The following LRBA variants were observed in gnomAD, a reference collection of about 807,000 sequenced individuals.
LRBA encodes lipopolysaccharide-responsive and beige-like anchor protein.
In LRBA, 176 loss-of-function variants were observed where a neutral mutation model predicts 330.0. The observed-to-expected ratio is 0.53, with a 90% CI of 0.47 to 0.60. The LOEUF (loss-of-function observed/expected upper bound fraction) is 0.60. Ranked by LOEUF, LRBA falls within the 20% of genes least tolerant of loss-of-function variation. The probability of loss-of-function intolerance (pLI) is 0.00; values close to 1 mark genes in which losing one functional copy is unlikely to be tolerated. For synonymous variants in LRBA, 1,230 were observed against 1,193.0 expected (o/e 1.03, Z -0.64); for missense variants, 3,259 against 3,444.8 (o/e 0.95, Z 1.35).
intron 2 of LRBA, among the ~76,000 whole-genome samples, chr4:150,944,877 A>G (rs909580858): frequency 1.3e-5 from 2 of 152,190 alleles, no homozygotes; most frequent in Admixed American, 1.3e-4. Context: ...GGGGGTTCTC[A>G]TGATAGTGAA....
intron 7 of LRBA, among the ~76,000 whole-genome samples, 179 bp downstream of exon 7, chr4:150,916,222 C>A (rs775642529): frequency 3.9e-5 from 6 of 152,134 alleles, no homozygotes; most frequent in Non-Finnish European, 8.8e-5. Flanking sequence ...ACTAAATTTG[C>A]AATCTTTTTC....
In LRBA at chr4:150,287,284, C is replaced by A. The variant is rs181403443; in HGVS notation, c.8018-1250G>T. 1.1e-4 allele frequency among the ~76,000 whole-genome samples: 16 copies of A among 152,344 alleles called. No individual in the cohort carries two copies. In the East Asian group the frequency reaches 2.9e-3, roughly 28 times the overall value. On this transcript the variant is annotated intron_variant, in intron 53 of 56. Coordinates refer to ENST00000651943, the MANE Select transcript of LRBA (RefSeq NM_001364905.1). The stretch of plus-strand genomic sequence containing the variant: ...ACTGTACTTGGAAAGGCAAATGCTG[C>A]TGTCAGAAAACTAACCCGGCTTCCA...
chr4:150,853,569 A>G (rs775759154), intron 22 of LRBA, among the ~76,000 whole-genome samples: 1 of 152,186 alleles, frequency 6.6e-6, no homozygotes, highest in African/African-American at 2.4e-5. Context: ...CCATCCATAC[A>G]TCCATTCATT....
intron 13 of LRBA, among the ~76,000 whole-genome samples, chr4:150,903,463 C>T (rs1579151458): frequency 6.6e-6 from 1 of 151,910 alleles, no homozygotes; most frequent in African/African-American, 2.4e-5. Context: ...AGAGGCTGGG[C>T]CTGATGGCTC....
Position 150,639,817 on chromosome 4 carries a change from GTGTATATATATATATATATATATATA to G in LRBA, c.5922-40712_5922-40687del, listed in dbSNP as rs1778445907. ...TATATATATATATATGTGTGTGTGTGTGTATATATATATATATATATATATATATATATATATATATATATATATAT... is the reference window on the plus strand; with the variant it reads ...TATATATATATATATGTGTGTGTGTGTATATATATATATATATATATATAT... On this transcript the variant is annotated intron_variant, in intron 37 of 56. Coordinates refer to ENST00000651943, the MANE Select transcript of LRBA (RefSeq NM_001364905.1). Among the ~76,000 whole-genome samples the G allele has an allele frequency of 4.1e-3, 22 of 5,366 alleles. 3 individuals carry two copies. The highest frequency in any genetic ancestry group is 9.6e-3 in the South Asian group (1 of 104). The allele number at this position is 5,366 out of a possible 152,430, so 3.5% of individuals were successfully genotyped here.
At chr4:150,269,229 A>C (rs1745761144) in intron 56 of LRBA, among the ~76,000 whole-genome samples, 1 of 152,216 alleles carries the variant, frequency 6.6e-6, no homozygotes, top group Non-Finnish European at 1.5e-5. Flanking sequence ...TAGCAGTTGC[A>C]CATTTTCTGA....
chr4:150,713,637 T>C (rs1786450734), intron 36 of LRBA, among the ~76,000 whole-genome samples: 1 of 152,324 alleles, frequency 6.6e-6, no homozygotes, highest in Non-Finnish European at 1.5e-5. Context: ...TAAATTTTTA[T>C]GCAAGCCCAA....
chr4:150,637,935 T>C (rs1423432132), intron 37 of LRBA, among the ~76,000 whole-genome samples: 2 of 152,132 alleles, frequency 1.3e-5, no homozygotes. Context: ...TCTGGGACCT[T>C]TGTATTTCCA....
chr4:150,963,091 ACAT>A (rs1235489669), intron 2 of LRBA, among the ~76,000 whole-genome samples: 1 of 148,494 alleles, frequency 6.7e-6, no homozygotes, highest in Non-Finnish European at 1.5e-5. Flanking sequence ...AATAACAAAA[ACAT>A]CAACTCAATA....
At chr4:150,462,793 T>C (rs985013600) in intron 44 of LRBA, among the ~76,000 whole-genome samples, 4 of 151,938 alleles carry the variant, frequency 2.6e-5, no homozygotes, top group Non-Finnish European at 4.4e-5. Context: ...AAGCTATGCA[T>C]ACAATGTTTT....
intron 2 of LRBA, among the ~76,000 whole-genome samples, chr4:150,940,835 C>G (rs1317043392): frequency 2.0e-5 from 3 of 151,934 alleles, no homozygotes; most frequent in African/African-American, 7.2e-5. Flanking sequence ...CCTACATAAT[C>G]TTTTAAGTGC....
chr4:150,354,240 TA>T (rs1238150898), intron 47 of LRBA, among the ~76,000 whole-genome samples: 2 of 151,872 alleles, frequency 1.3e-5, no homozygotes, highest in African/African-American at 2.4e-5. Flanking sequence ...TAAGATTTTT[TA>T]AAAAAATTCT....
chr4:150,313,537 G>T (rs1731332104), intron 51 of LRBA, among the ~76,000 whole-genome samples: 1 of 152,046 alleles, frequency 6.6e-6, no homozygotes. Context: ...GTGATCTAGG[G>T]CAGGGACAGC....
chr4:150,611,709 CT>C lies in LRBA; in HGVS notation c.5922-12579del, dbSNP rs554397510. Among the ~76,000 whole-genome samples the C allele has an allele frequency of 4.1e-3, 630 of 152,232 alleles. 5 individuals are homozygous for C. Among genetic ancestry groups the C allele is most frequent in the African/African-American group, 0.015 (609 of 41,522 alleles). On this transcript the variant is annotated intron_variant, in intron 37 of 56. Transcript: ENST00000651943. Reference sequence around the variant, plus strand: ...ATCGCTTTTCAATGTATAAGTATAACTAAGTACTGTGTAGTGCAGGGTCAGT... The same window carrying C: ...ATCGCTTTTCAATGTATAAGTATAACAAGTACTGTGTAGTGCAGGGTCAGT...
intron 40 of LRBA, among the ~76,000 whole-genome samples, chr4:150,504,989 A>T (rs1384645296): frequency 2.0e-5 from 3 of 152,360 alleles, no homozygotes; most frequent in Middle Eastern, 3.4e-3. Flanking sequence ...AGGCCATTAC[A>T]TAATGGTAAA....
At chr4:150,825,303 G>C (rs1746070520) in intron 30 of LRBA, among the ~76,000 whole-genome samples, 1 of 152,122 alleles carries the variant, frequency 6.6e-6, no homozygotes, top group South Asian at 2.1e-4. Flanking sequence ...TTGAGCATTG[G>C]TATTGTTAGC....
chr4:150,712,080 T>A (rs1786274963), intron 36 of LRBA, among the ~76,000 whole-genome samples: 1 of 152,224 alleles, frequency 6.6e-6, no homozygotes, highest in Non-Finnish European at 1.5e-5. Context: ...GGCAGTATAC[T>A]GTAGCGATTA....
intron 2 of LRBA, among the ~76,000 whole-genome samples, chr4:150,951,490 T>C (rs1736830946): frequency 6.6e-6 from 1 of 152,114 alleles, no homozygotes; most frequent in Non-Finnish European, 1.5e-5. Context: ...TTATAATCAA[T>C]GGCATCTAAA....
At chr4:150,370,839 A>T (rs1740173230) in intron 47 of LRBA, among the ~76,000 whole-genome samples, 1 of 152,242 alleles carries the variant, frequency 6.6e-6, no homozygotes, top group African/African-American at 2.4e-5. Flanking sequence ...TGCTCCAAAA[A>T]ATAAAACTGA....
Sources: gnomAD v4.1 joint callset for allele counts (sites outside exome capture counted in the v4.1 genomes callset) on GRCh38, gnomAD v4.1.1 for gene constraint, MANE v1.5 for transcripts, NCBI Gene and HGNC (gene_info 2026-07-23, HGNC 2026-07-21) for gene names.